TRPM7: variants seen among roughly 807,000 people sequenced by gnomAD.
TRPM7 encodes the protein LTRPC ion channel family member 7.
Under a neutral mutation model 229.7 loss-of-function variants are expected in TRPM7, and 134 were observed. That is an observed-to-expected ratio of 0.58 (90% confidence interval 0.51 to 0.67). The LOEUF is 0.67. Ranked by LOEUF, TRPM7 falls within the 30% of genes least tolerant of loss-of-function variation. The pLI, the probability that TRPM7 is intolerant of heterozygous loss-of-function variation, is 0.00. For synonymous variants in TRPM7, 699 were observed against 715.2 expected (o/e 0.98, Z 0.36); for missense variants, 1,901 against 2,210.0 (o/e 0.86, Z 2.80).
intron 13 of TRPM7, among the ~76,000 whole-genome samples, chr15:50,618,774 C>T (rs2060305394): frequency 6.6e-6 from 1 of 152,042 alleles, no homozygotes; most frequent in Non-Finnish European, 1.5e-5. Flanking sequence ...CCACCCCCAC[C>T]CAACCTCCCA....
rs1475743851 is a variant in TRPM7, at chr15:50,624,190, C to T, written c.1416G>A (p.Pro472=). Residue 472 remains proline (P), a synonymous_variant, in exon 12 of 39, where the codon CCG becomes CCA. Coordinates refer to ENST00000646667, the MANE Select transcript of TRPM7 (RefSeq NM_017672.6). ...GVSMHKFLTI[P]RLEELYNTKQ... ...CAGTGTTGTAAAGTTCTTCCAGTCTCGGAATGGTAAGGAATTTATGCATGC... is the reference window on the plus strand; with the variant it reads ...CAGTGTTGTAAAGTTCTTCCAGTCTTGGAATGGTAAGGAATTTATGCATGC... 5.6e-6 allele frequency: 9 copies of T among 1,609,464 alleles called. No homozygotes were observed. The highest frequency in any genetic ancestry group is 4.5e-5 in the East Asian group (2 of 44,690).
chr15:50,642,352 A>T (rs2061127953), intron 5 of TRPM7, among the ~76,000 whole-genome samples: 1 of 152,236 alleles, frequency 6.6e-6, no homozygotes, highest in African/African-American at 2.4e-5. Context: ...CTGCTGTTAC[A>T]GCACAAAAAT....
intron 1 of TRPM7, among the ~76,000 whole-genome samples, chr15:50,678,248 AAAAC>A (rs1217812678): frequency 4.8e-5 from 6 of 126,076 alleles, no homozygotes; most frequent in African/African-American, 1.8e-4. Context: ...TCAAAAAAAA[AAAAC>A]AAAAACAAAA....
intron 13 of TRPM7, among the ~76,000 whole-genome samples, chr15:50,617,131 A>AAAATAAATAAATAAAT (rs201318883): frequency 7.3e-6 from 1 of 137,354 alleles, no homozygotes. Context: ...CTCTACCAAA[A>AAAATAAATAAATAAAT]AAATAAATAA....
chr15:50,610,020 A>C, intron 17 of TRPM7, 59 bp from the exon 18 acceptor site: 3 of 1,215,038 alleles, frequency 2.5e-6, no homozygotes, highest in Non-Finnish European at 3.4e-6. Flanking sequence ...AGAATATAAT[A>C]AAAACAAAAC....
chr15:50,650,811 G>C (rs561467919), intron 3 of TRPM7, among the ~76,000 whole-genome samples: 2 of 152,266 alleles, frequency 1.3e-5, no homozygotes, highest in Non-Finnish European at 2.9e-5. Context: ...GCATGCTATA[G>C]CAAGTCTAAA....
At chr15:50,595,386 T>G (rs1247795227) in intron 23 of TRPM7, among the ~76,000 whole-genome samples, 1 of 151,700 alleles carries the variant, frequency 6.6e-6, no homozygotes, top group Non-Finnish European at 1.5e-5. Flanking sequence ...CAGATTTAAC[T>G]ACAATGTGGT....
At chr15:50,664,981 T>C (rs146759587) in intron 1 of TRPM7, among the ~76,000 whole-genome samples, 2,238 of 152,096 alleles carry the variant, frequency 0.015, 21 homozygotes, top group Non-Finnish European at 0.022. Context: ...AAATAAATAA[T>C]CAGCAGAAAT....
chr15:50,618,569 C>CAATAAATAAATAAATAAATAAATA (rs112152993), intron 13 of TRPM7, among the ~76,000 whole-genome samples: 1 of 141,980 alleles, frequency 7.0e-6, no homozygotes, highest in Non-Finnish European at 1.5e-5. Context: ...GATTCCGTCT[C>CAATAAATAAATAAATAAATAAATA]AATAAATAAA....
chr15:50,610,970 G>T (rs747349311), intron 17 of TRPM7, 123 bp downstream of exon 17: 6 of 716,950 alleles, frequency 8.4e-6, no homozygotes, highest in Non-Finnish European at 1.4e-5. Flanking sequence ...CATCCATCTT[G>T]CTCCCTCTTT....
intron 25 of TRPM7, 150 bp from the exon 26 acceptor site, chr15:50,592,776 G>A: frequency 1.7e-6 from 1 of 597,132 alleles, no homozygotes; most frequent in Non-Finnish European, 2.8e-6. Flanking sequence ...AATTATACAA[G>A]GCCTACCTTA....
At position 50,613,813 on chromosome 15, in the gene TRPM7, G is replaced by T; in HGVS notation, c.1664C>A (p.Thr555Asn). 6.2e-7 allele frequency: 1 copy of T among 1,613,462 alleles called. No individual in the cohort carries two copies. Among genetic ancestry groups the T allele is most frequent in the East Asian group, 2.2e-5 (1 of 44,858 alleles). ...TTCATGACTCTTTCGCAACTGAGGA[G>T]TGCTGCTGGAGGTATTTCGGCCAGA... ...RRSGRNTSSSTPQLRKSHESF... is the reference protein window; with the variant it reads ...RRSGRNTSSSNPQLRKSHESF... Residue 555 changes from threonine to asparagine, a missense_variant, in exon 15 of 39, where the codon ACT becomes AAT. By Grantham distance (65) the Thr-to-Asn change is moderately conservative. This residue lies in a region of TRPM7 where 794 missense variants were observed against 881.9 expected (regional missense o/e 0.90). Transcript: ENST00000646667.
chr15:50,627,715 C>T (rs1350468106), intron 11 of TRPM7, among the ~76,000 whole-genome samples: 2 of 151,898 alleles, frequency 1.3e-5, no homozygotes, highest in Admixed American at 1.3e-4. Context: ...CTAGATCTGA[C>T]AAGATTTACA....
chr15:50,618,569 CAATA>C (rs112152993), intron 13 of TRPM7, among the ~76,000 whole-genome samples: 17,035 of 141,848 alleles, frequency 0.12, 1,824 homozygotes, highest in African/African-American at 0.29. Context: ...GATTCCGTCT[CAATA>C]AATAAATAAA....
At chr15:50,569,741 A>C (rs919248937) in intron 38 of TRPM7, 146 bp downstream of exon 38, 26 of 486,594 alleles carry the variant, frequency 5.3e-5, no homozygotes, top group African/African-American at 5.0e-4. Context: ...ATTTATAACC[A>C]ACAATATGTA....
chr15:50,594,513 G>A lies in TRPM7; in HGVS notation c.3391C>T (p.Pro1131Ser). The change falls in exon 24 of 39, where the codon CCA becomes TCA. Residue 1131 changes from proline to serine, a missense_variant. By Grantham distance (74) the Pro-to-Ser change is moderately conservative. This residue lies in a region of TRPM7 where 89 missense variants were observed against 178.2 expected (regional missense o/e 0.50). Coordinates refer to ENST00000646667, the MANE Select transcript of TRPM7 (RefSeq NM_017672.6). Reference sequence around the variant, plus strand: ...ACTATATGGCTAAGAATGATAAGTGGAGGAGGCAGAACTGGTTTCTCATGA... The same window carrying A: ...ACTATATGGCTAAGAATGATAAGTGAAGGAGGCAGAACTGGTTTCTCATGA... Reference protein sequence around the residue: ...AYHEKPVLPPPLIILSHIVSL... With the variant: ...AYHEKPVLPPSLIILSHIVSL... 2 of 1,613,092 alleles carry A rather than the reference G, an allele frequency of 1.2e-6. No homozygotes were observed. The highest frequency in any genetic ancestry group is 8.5e-7 in the Non-Finnish European group (1 of 1,179,384).
intron 21 of TRPM7, among the ~76,000 whole-genome samples, chr15:50,602,300 G>A (rs1271659400): frequency 5.3e-5 from 8 of 151,826 alleles, no homozygotes; most frequent in African/African-American, 9.7e-5. Flanking sequence ...ACCAAACACC[G>A]CATGTTCTCA....
At chr15:50,648,594 G>T in intron 4 of TRPM7, 93 bp downstream of exon 4, 1 of 1,165,266 alleles carries the variant, frequency 8.6e-7, no homozygotes, top group South Asian at 1.8e-5. Context: ...ATAAATTACT[G>T]AGACCAACTT....
At chr15:50,603,457 C>A (rs1361809622) in intron 21 of TRPM7, among the ~76,000 whole-genome samples, 1 of 150,210 alleles carries the variant, frequency 6.7e-6, no homozygotes, top group Non-Finnish European at 1.5e-5. Flanking sequence ...CCTCCCCCTG[C>A]CCCCCACCCC....
Sources: gnomAD v4.1 joint callset for allele counts (sites outside exome capture counted in the v4.1 genomes callset) on GRCh38, gnomAD v4.1.1 for gene constraint, gnomAD v4.1.1 regional missense constraint, MANE v1.5 for transcripts, NCBI Gene and HGNC (gene_info 2026-07-23, HGNC 2026-07-21) for gene names.